LUZP2: variants seen among roughly 807,000 people sequenced by gnomAD.
The protein encoded by LUZP2 is leucine zipper protein 2.
Under a neutral mutation model 51.6 loss-of-function variants are expected in LUZP2, and 52 were observed. The ratio of observed to expected loss-of-function variants is 1.01; its 90% confidence interval spans 0.81 to 1.27. The LOEUF (loss-of-function observed/expected upper bound fraction) is 1.27, where lower values mean the gene tolerates loss of function less well. Ranked by LOEUF, LUZP2 falls within the 50% of genes most tolerant of loss-of-function variation. The pLI, the probability that LUZP2 is intolerant of heterozygous loss-of-function variation, is 0.00. For synonymous variants in LUZP2, 154 were observed against 137.3 expected (o/e 1.12, Z -0.85); for missense variants, 436 against 395.4 (o/e 1.10, Z -0.87).
chr11:24,690,285 G>A (rs1378949335), intron 1 of LUZP2, among the ~76,000 whole-genome samples: 1 of 152,050 alleles, frequency 6.6e-6, no homozygotes, highest in Non-Finnish European at 1.5e-5. Context: ...TTCAAGGTAA[G>A]AAGGCTTTTA....
At chr11:24,796,782 T>TA (rs1196229695) in intron 5 of LUZP2, among the ~76,000 whole-genome samples, 2 of 152,146 alleles carry the variant, frequency 1.3e-5, no homozygotes, top group African/African-American at 2.4e-5. Context: ...TACACAAGTT[T>TA]TTTTTGGTTT....
At position 24,637,624 on chromosome 11, in the gene LUZP2, G is replaced by A. The variant is rs186172378; in HGVS notation, c.63-91545G>A. On this transcript the variant is annotated intron_variant, in intron 1 of 11. Transcript: ENST00000336930. ...CCTGGGGGGCGGTCTATGAACGGCC[G>A]CTCTAGGGGTGTCTGTCTTATGTGA... 1.1e-3 allele frequency among the ~76,000 whole-genome samples: 174 copies of A among 151,826 alleles called. 5 individuals are homozygous for A. The highest frequency in any genetic ancestry group is 3.8e-3 in the African/African-American group (155 of 41,204).
chr11:24,975,780 T>C (rs1432910317), intron 7 of LUZP2, among the ~76,000 whole-genome samples: 1 of 152,032 alleles, frequency 6.6e-6, no homozygotes, highest in African/African-American at 2.4e-5. Flanking sequence ...TGCTTTTTTA[T>C]TCTAATAGCA....
intron 7 of LUZP2, among the ~76,000 whole-genome samples, chr11:24,945,516 T>C (rs934809795): frequency 1.7e-4 from 19 of 114,358 alleles, no homozygotes; most frequent in African/African-American, 6.3e-4. Flanking sequence ...CAAATTTGCC[T>C]GTTTTTTTTT....
intron 1 of LUZP2, among the ~76,000 whole-genome samples, chr11:24,565,631 G>C (rs12790518): frequency 0.074 from 11,278 of 152,144 alleles, 554 homozygotes; most frequent in Non-Finnish European, 0.11. Context: ...GGTTTCACTG[G>C]TTGTCACCTA....
chr11:24,649,479 G>C (rs1239544892), intron 1 of LUZP2, among the ~76,000 whole-genome samples: 1 of 151,976 alleles, frequency 6.6e-6, no homozygotes, highest in Non-Finnish European at 1.5e-5. Flanking sequence ...GGTCAGATGT[G>C]TAGGACCCCC....
intron 9 of LUZP2, among the ~76,000 whole-genome samples, chr11:24,998,012 G>A (rs1487983507): frequency 6.6e-6 from 1 of 152,112 alleles, no homozygotes; most frequent in Non-Finnish European, 1.5e-5. Flanking sequence ...ATCCTGTTTG[G>A]GTTACTGTAG....
intron 1 of LUZP2, among the ~76,000 whole-genome samples, chr11:24,705,891 A>G (rs1857564101): frequency 6.6e-6 from 1 of 152,110 alleles, no homozygotes; most frequent in African/African-American, 2.4e-5. Context: ...CGGCTACTCA[A>G]AATTCCAGCA....
chr11:24,808,723 A>G (rs1056951504), intron 5 of LUZP2, among the ~76,000 whole-genome samples: 28 of 152,280 alleles, frequency 1.8e-4, no homozygotes, highest in African/African-American at 2.6e-4. Context: ...GTAGTTAAAT[A>G]TCTATAGTCC....
At chr11:24,515,921 T>G (rs1353813534) in intron 1 of LUZP2, among the ~76,000 whole-genome samples, 1 of 152,158 alleles carries the variant, frequency 6.6e-6, no homozygotes, top group Admixed American at 6.5e-5. Flanking sequence ...CATGTTTTTT[T>G]TCTTTCTTAT....
intron 4 of LUZP2, among the ~76,000 whole-genome samples, chr11:24,759,935 C>T (rs556924262): frequency 2.0e-4 from 31 of 152,034 alleles, no homozygotes; most frequent in Non-Finnish European, 4.0e-4. Context: ...CCCTGGTGGT[C>T]GGGCTACAGC....
At chr11:25,020,793 A>ATT (rs1283457894) in intron 9 of LUZP2, among the ~76,000 whole-genome samples, 2 of 94,246 alleles carry the variant, frequency 2.1e-5, no homozygotes, top group African/African-American at 1.2e-4. Context: ...TAATTTAATA[A>ATT]CTTAAAATTA....
At chr11:24,668,596 AG>A (rs1458281489) in intron 1 of LUZP2, among the ~76,000 whole-genome samples, 2 of 152,198 alleles carry the variant, frequency 1.3e-5, no homozygotes, top group East Asian at 3.9e-4. Context: ...TGTGGCCAAA[AG>A]TATGAAATCC....
At chr11:25,009,371 A>G (rs1201441721) in intron 9 of LUZP2, among the ~76,000 whole-genome samples, 1 of 152,224 alleles carries the variant, frequency 6.6e-6, no homozygotes, top group African/African-American at 2.4e-5. Context: ...AGTTATGTCC[A>G]TAAATAATTA....
chr11:24,841,808 C>A (rs910377766), intron 5 of LUZP2, among the ~76,000 whole-genome samples: 1 of 152,064 alleles, frequency 6.6e-6, no homozygotes, highest in South Asian at 2.1e-4. Context: ...TCTGTACTCA[C>A]GGTGCAAGTA....
chr11:24,534,947 T>C (rs950195398), intron 1 of LUZP2, among the ~76,000 whole-genome samples: 1 of 151,370 alleles, frequency 6.6e-6, no homozygotes, highest in Non-Finnish European at 1.5e-5. Context: ...TAGAGGCCTG[T>C]CTTGGAGATA....
At chr11:24,923,940 T>G (rs1360536369) in intron 7 of LUZP2, among the ~76,000 whole-genome samples, 1 of 152,132 alleles carries the variant, frequency 6.6e-6, no homozygotes, top group Admixed American at 6.5e-5. Flanking sequence ...GCAGATTCAC[T>G]AAGAAGGAGA....
Position 25,082,216 on chromosome 11 carries a change from A to G in LUZP2, c.*3558A>G, listed in dbSNP as rs886641142. The G allele has an allele frequency of 1.3e-5, 2 of 152,620 alleles. No individual in the cohort carries two copies. Among genetic ancestry groups the G allele is most frequent in the African/African-American group, 2.4e-5 (1 of 41,464 alleles). The allele number at this position is 152,620 out of a possible 1,614,324, so 9.5% of individuals were successfully genotyped here. ...GTTTAGCATCATAGTGCTGTTTCAGATACAGATCTGTTTCATCAAATATCC... is the reference window on the plus strand; with the variant it reads ...GTTTAGCATCATAGTGCTGTTTCAGGTACAGATCTGTTTCATCAAATATCC... On this transcript the variant is annotated 3_prime_UTR_variant, in exon 12 of 12. Coordinates refer to ENST00000336930, the MANE Select transcript of LUZP2 (RefSeq NM_001009909.4).
chr11:25,046,035 G>A (rs12788736), intron 9 of LUZP2, among the ~76,000 whole-genome samples: 71,301 of 151,892 alleles, frequency 0.47, 17,198 homozygotes, highest in Non-Finnish European at 0.51. Flanking sequence ...GAAACAACTC[G>A]TACAAGACAC....
Sources: allele counts gnomAD v4.1 joint callset (sites outside exome capture counted in the v4.1 genomes callset), GRCh38; gene constraint gnomAD v4.1.1; transcripts MANE v1.5; gene names NCBI Gene and HGNC (gene_info 2026-07-23, HGNC 2026-07-21).